FRAT2: variants seen among roughly 807,000 people sequenced by gnomAD.
FRAT2 encodes FRAT regulator of Wnt signaling pathway 2.
For synonymous variants in FRAT2, 205 were observed against 171.5 expected, an observed-to-expected ratio of 1.20 and a Z score of -1.53; for missense variants, 326 against 340.8, an observed-to-expected ratio of 0.96 and a Z score of 0.34.
rs778485689 is a variant in FRAT2, at chr10:97,333,881, G to A, written c.692C>T (p.Ser231Phe). Residue 231 changes from serine (S) to phenylalanine (F), a missense_variant, in exon 1 of 1, where the codon TCC becomes TTC. Ser to Phe is a radical substitution (Grantham distance 155). Coordinates refer to ENST00000371019, the MANE Select transcript of FRAT2 (RefSeq NM_012083.3). ...TCCAGGAGGCCTGCGTCAGAGCAAG[G>A]AGCCTGAGGGCTGCAGGGCAATGCG... ...PDRIALQPSG[S>F]LL 11 of 1,532,656 alleles carry A rather than the reference G, an allele frequency of 7.2e-6. No homozygotes were observed. The African/African-American group carries it at 1.4e-4, about 19-fold the overall frequency. The allele number at this position is 1,532,656 out of a possible 1,614,324, so 94.9% of individuals were successfully genotyped here.
In FRAT2 at chr10:97,333,518, CCTT is replaced by C. The variant is rs1843544519; in HGVS notation, c.*350_*352del. 3.7e-6 allele frequency: 1 copy of C among 273,844 alleles called. No individual in the cohort carries two copies. The highest frequency in any genetic ancestry group is 2.2e-5 in the African/African-American group (1 of 45,896). The allele number at this position is 273,844 out of a possible 1,614,324, so 17.0% of individuals were successfully genotyped here. On this transcript the variant is annotated 3_prime_UTR_variant, in exon 1 of 1. Transcript: ENST00000371019. ...ATCGCGATTCCTACCCCTGAGCCCTCCTTAAACAATCCAAGCTCACGACGCCCC... is the reference window on the plus strand; with the variant it reads ...ATCGCGATTCCTACCCCTGAGCCCTCAAACAATCCAAGCTCACGACGCCCC...
rs981585148 is a variant in FRAT2 at position 97,333,582 on chromosome 10, C to A, written c.*289G>T. On this transcript the variant is annotated 3_prime_UTR_variant, in exon 1 of 1. Transcript: ENST00000371019. Reference sequence around the variant, plus strand: ...GTGAGGTACAAGTCGATGCAAGTAGCTGCCATAGTTCTCCCAGTTTATCCC... The same window carrying A: ...GTGAGGTACAAGTCGATGCAAGTAGATGCCATAGTTCTCCCAGTTTATCCC... 5.2e-6 allele frequency: 2 copies of A among 384,048 alleles called. No individual in the cohort carries two copies. The highest frequency in any genetic ancestry group is 8.7e-5 in the Admixed American group (2 of 23,038). 23.8% of individuals were successfully genotyped at this position (384,048 alleles called of 1,614,324 possible).
Position 97,334,128 on chromosome 10 carries a change from G to A in FRAT2, c.445C>T (p.Leu149Phe), listed in dbSNP as rs12767255. 12 of 1,538,672 alleles carry A rather than the reference G, an allele frequency of 7.8e-6. No homozygotes were observed. In the East Asian group the frequency reaches 2.5e-4, roughly 32 times the overall value. ...ALPGPCRRGW[L>F]RDAVTSRRLQ... Reference sequence around the variant, plus strand: ...CGGCGGGAGGTGACCGCGTCCCTGAGCCATCCTCGCCGGCACGGCCCCGGC... The same window carrying A: ...CGGCGGGAGGTGACCGCGTCCCTGAACCATCCTCGCCGGCACGGCCCCGGC... Residue 149 changes from leucine to phenylalanine, a missense_variant, in exon 1 of 1, where the codon CTC (leucine) becomes TTC (phenylalanine). Transcript: ENST00000371019.
At position 97,334,491 on chromosome 10, in the gene FRAT2, G is replaced by A. The variant is rs1843558875; in HGVS notation, c.82C>T (p.Leu28=). Reference sequence around the variant, plus strand: ...CTGCCCAGCGTCACCGACTGCTGCAGCAGGAGGAAGCTGTCGTCCTCCTCT... The same window carrying A: ...CTGCCCAGCGTCACCGACTGCTGCAACAGGAGGAAGCTGTCGTCCTCCTCT... ...EEEEDDSFLL[L]QQSVTLGSSG... Residue 28 remains leucine (L), a synonymous_variant, in exon 1 of 1, where the codon CTG becomes TTG. Coordinates refer to ENST00000371019, the MANE Select transcript of FRAT2 (RefSeq NM_012083.3). 2.0e-6 allele frequency: 3 copies of A among 1,493,706 alleles called. No individual in the cohort carries two copies. Among genetic ancestry groups the A allele is most frequent in the South Asian group, 2.5e-5 (2 of 80,330 alleles). The allele number at this position is 1,493,706 out of a possible 1,614,324, so 92.5% of individuals were successfully genotyped here. A position where few individuals can be genotyped will look rare whatever the true frequency, so the allele number is the denominator to read the frequency against.
Position 97,334,328 on chromosome 10 carries a change from G to T in FRAT2, c.245C>A (p.Pro82Gln). 8.6e-7 allele frequency: 1 copy of T among 1,156,854 alleles called. No individual in the cohort carries two copies. Among genetic ancestry groups the T allele is most frequent in the Non-Finnish European group, 1.1e-6 (1 of 940,756 alleles). 71.7% of individuals were successfully genotyped at this position (1,156,854 alleles called of 1,614,324 possible). A position where few individuals can be genotyped will look rare whatever the true frequency, so the allele number is the denominator to read the frequency against. The change falls in exon 1 of 1, where the codon CCG (proline) becomes CAG (glutamine). Residue 82 changes from proline (P) to glutamine (Q), a missense_variant. Pro to Gln is a moderately conservative substitution (Grantham distance 76, BLOSUM62 -1). Coordinates refer to ENST00000371019, the MANE Select transcript of FRAT2 (RefSeq NM_012083.3). Reference sequence around the variant, plus strand: ...CGCCGGGGGCCGGGCCTTGTCCGCCGGCACCGCCGCAGCCAGGGGCCCCGG... The same window carrying T: ...CGCCGGGGGCCGGGCCTTGTCCGCCTGCACCGCCGCAGCCAGGGGCCCCGG... ...RAPGPLAAAV[P>Q]ADKARPPAVP...
At position 97,334,082 on chromosome 10, in the gene FRAT2, G is replaced by C. The variant is rs1300329603; in HGVS notation, c.491C>G (p.Thr164Ser). ...TSRRLQQRRW[T>S]QAGARAGDDD... ...GTCGCCGGCGCGTGCCCCGGCTTGG[G>C]TCCATCGGCGCTGCTGCAAGCGGCG... Residue 164 changes from threonine (T) to serine (S), a missense_variant, in exon 1 of 1, where the codon ACC (threonine) becomes AGC (serine). By Grantham distance (58) the Thr-to-Ser change is moderately conservative (BLOSUM62 1). Coordinates refer to ENST00000371019, the MANE Select transcript of FRAT2 (RefSeq NM_012083.3). 6.3e-7 allele frequency: 1 copy of C among 1,592,602 alleles called. No homozygotes were observed. The highest frequency in any genetic ancestry group is 8.5e-7 in the Non-Finnish European group (1 of 1,177,744).
rs977192548 is a variant in FRAT2, at chr10:97,334,564, G to A, written c.9C>T (p.Cys3=). The A allele has an allele frequency of 8.9e-6, 13 of 1,458,076 alleles. No individual in the cohort carries two copies. In the African/African-American group the frequency reaches 1.5e-4, roughly 16 times the overall value. The allele number at this position is 1,458,076 out of a possible 1,614,324, so 90.3% of individuals were successfully genotyped here. A position where few individuals can be genotyped will look rare whatever the true frequency, so the allele number is the denominator to read the frequency against. Residue 3 remains cysteine, a synonymous_variant, in exon 1 of 1, where the codon TGC becomes TGT. Transcript: ENST00000371019. ...CGGCTTCCTCTTCCTCCTCCCTCCG[G>A]CACGGCATGGCCCCCCGTCCTGGCA... MP[C]RREEEEEAGE...
Position 97,332,781 on chromosome 10 carries a change from G to A in FRAT2, c.*1090C>T, listed in dbSNP as rs897536932. On this transcript the variant is annotated 3_prime_UTR_variant, in exon 1 of 1. Coordinates refer to ENST00000371019, the MANE Select transcript of FRAT2 (RefSeq NM_012083.3). ...CACAAAAGAAGGGCTGGCACGGGAG[G>A]AGGAAATAAATTGTGAGGGTGAGGA... 3.9e-5 allele frequency: 6 copies of A among 152,204 alleles called. No individual in the cohort carries two copies. Among genetic ancestry groups the A allele is most frequent in the African/African-American group, 1.4e-4 (6 of 41,446 alleles). 9.4% of individuals were successfully genotyped at this position (152,204 alleles called of 1,614,324 possible). A position where few individuals can be genotyped will look rare whatever the true frequency, so the allele number is the denominator to read the frequency against.
chr10:97,334,529 G>GCCT lies in FRAT2; in HGVS notation c.41_43dup (p.Glu14dup). Reference sequence around the variant, plus strand: ...GTCGTCCTCCTCTTCCTCCCCCTCCGCCTCCTCGCCGGCTTCCTCTTCCTC... The same window carrying GCCT: ...GTCGTCCTCCTCTTCCTCCCCCTCCGCCTCCTCCTCGCCGGCTTCCTCTTCCTC... On this transcript the variant is annotated inframe_insertion, in exon 1 of 1. Coordinates refer to ENST00000371019, the MANE Select transcript of FRAT2 (RefSeq NM_012083.3). 6.7e-7 allele frequency: 1 copy of GCCT among 1,492,260 alleles called. No homozygotes were observed. The allele number at this position is 1,492,260 out of a possible 1,614,324, so 92.4% of individuals were successfully genotyped here.
In FRAT2 at chr10:97,334,473, G is replaced by C. The variant is rs751853572; in HGVS notation, c.100C>G (p.Leu34Val). 105 of 1,493,182 alleles carry C rather than the reference G, an allele frequency of 7.0e-5. No individual in the cohort carries two copies. The highest frequency in any genetic ancestry group is 9.2e-5 in the Non-Finnish European group (104 of 1,126,620). The allele number at this position is 1,493,182 out of a possible 1,614,324, so 92.5% of individuals were successfully genotyped here. Residue 34 changes from leucine to valine, a missense_variant, in exon 1 of 1, where the codon CTG (leucine) becomes GTG (valine). By Grantham distance (32) the Leu-to-Val change is conservative. Coordinates refer to ENST00000371019, the MANE Select transcript of FRAT2 (RefSeq NM_012083.3). ...CGGTCCACCTCGCCCGAGCTGCCCAGCGTCACCGACTGCTGCAGCAGGAGG... is the reference window on the plus strand; with the variant it reads ...CGGTCCACCTCGCCCGAGCTGCCCACCGTCACCGACTGCTGCAGCAGGAGG... ...SFLLLQQSVT[L>V]GSSGEVDRLV... is the part of the protein sequence containing the mutation.
Position 97,333,980 on chromosome 10 carries a change from C to T in FRAT2, c.593G>A (p.Arg198Gln). ...LIKEAVRRLQ[R>Q]AVAAVAATGP... The stretch of plus-strand genomic sequence containing the variant: ...CGTGGCTGCAACCGCGGCGACGGCT[C>T]GTTGGAGTCTCCGCACGGCTTCCTT... The change falls in exon 1 of 1, where the codon CGA (arginine) becomes CAA (glutamine). Residue 198 changes from arginine (R) to glutamine (Q), a missense_variant. Physicochemically the swap from Arg to Gln is conservative, Grantham distance 43. Transcript: ENST00000371019. 1 of 1,586,140 alleles carries T rather than the reference C, an allele frequency of 6.3e-7. No individual in the cohort carries two copies. Among genetic ancestry groups the T allele is most frequent in the Non-Finnish European group, 8.5e-7 (1 of 1,174,098 alleles).
Position 97,334,286 on chromosome 10 carries a change from GGCA to G in FRAT2, c.284_286del (p.Leu95del), listed in dbSNP as rs1265622373. On this transcript the variant is annotated inframe_deletion, in exon 1 of 1. Coordinates refer to ENST00000371019, the MANE Select transcript of FRAT2 (RefSeq NM_012083.3). ...GCCCACCGTCTCAGCCGAAGCGGGC[GGCA>G]GCAGCAGCGGCACCGCCGGGGGCCG... The G allele has an allele frequency of 1.7e-6, 2 of 1,159,416 alleles. No individual in the cohort carries two copies. Among genetic ancestry groups the G allele is most frequent in the South Asian group, 4.2e-5 (1 of 23,924 alleles). 71.8% of individuals were successfully genotyped at this position (1,159,416 alleles called of 1,614,324 possible).
In FRAT2 at chr10:97,334,025, A is replaced by T. The variant is rs1329987050; in HGVS notation, c.548T>A (p.Val183Glu). Reference protein sequence around the residue: ...DDPHRLLQQLVLSGNLIKEAV... With the variant: ...DDPHRLLQQLELSGNLIKEAV... Reference sequence around the variant, plus strand: ...TTCCTTGATGAGGTTTCCCGAGAGCACGAGCTGCTGGAGGAGCCGATGCGG... The same window carrying T: ...TTCCTTGATGAGGTTTCCCGAGAGCTCGAGCTGCTGGAGGAGCCGATGCGG... Residue 183 changes from valine to glutamate, a missense_variant, in exon 1 of 1, where the codon GTG becomes GAG. Transcript: ENST00000371019. 6.3e-7 allele frequency: 1 copy of T among 1,595,798 alleles called. No individual in the cohort carries two copies. Among genetic ancestry groups the T allele is most frequent in the East Asian group, 2.2e-5 (1 of 44,708 alleles).
chr10:97,334,420 C>T lies in FRAT2; in HGVS notation c.153G>A (p.Leu51=), dbSNP rs1843557840. 2 of 1,457,858 alleles carry T rather than the reference C, an allele frequency of 1.4e-6. No individual in the cohort carries two copies. The highest frequency in any genetic ancestry group is 2.9e-5 in the African/African-American group (2 of 68,248). The allele number at this position is 1,457,858 out of a possible 1,614,324, so 90.3% of individuals were successfully genotyped here. ...GGCTGTCCTGCGCCGCGTCCAGCTG[C>T]AGCGTCTCGCCGATCTGGGCCACCA... ...DRLVAQIGET[L]QLDAAQDSPA... Residue 51 remains leucine, a synonymous_variant, in exon 1 of 1, where the codon CTG becomes CTA. Transcript: ENST00000371019.
At position 97,334,047 on chromosome 10, in the gene FRAT2, G is replaced by A. The variant is rs1481903958; in HGVS notation, c.526C>T (p.His176Tyr). 1.3e-6 allele frequency: 2 copies of A among 1,595,874 alleles called. No homozygotes were observed. The highest frequency in any genetic ancestry group is 2.2e-5 in the East Asian group (1 of 44,758). The change falls in exon 1 of 1, where the codon CAT becomes TAT. Residue 176 changes from histidine to tyrosine, a missense_variant. By Grantham distance (83) the His-to-Tyr change is moderately conservative. Transcript: ENST00000371019. ...AGARAGDDDP[H>Y]RLLQQLVLSG... is the part of the protein sequence containing the mutation. ...AGCACGAGCTGCTGGAGGAGCCGATGCGGGTCGTCGTCGCCGGCGCGTGCC... is the reference window on the plus strand; with the variant it reads ...AGCACGAGCTGCTGGAGGAGCCGATACGGGTCGTCGTCGCCGGCGCGTGCC...
Position 97,332,884 on chromosome 10 carries a change from C to T in FRAT2, c.*987G>A, listed in dbSNP as rs770253365. The T allele has an allele frequency of 6.6e-6, 1 of 152,190 alleles. No homozygotes were observed. The highest frequency in any genetic ancestry group is 1.5e-5 in the Non-Finnish European group (1 of 68,050). 9.4% of individuals were successfully genotyped at this position (152,190 alleles called of 1,614,324 possible). The stretch of plus-strand genomic sequence containing the variant: ...AACGTCCAGGGTCTCTCATGCATTC[C>T]TATAGACACCAGAAAGGGTGGAATA... On this transcript the variant is annotated 3_prime_UTR_variant, in exon 1 of 1. Transcript: ENST00000371019.
Position 97,333,732 on chromosome 10 carries a change from G to C in FRAT2, c.*139C>G. The C allele has an allele frequency of 1.1e-6, 1 of 924,264 alleles. No homozygotes were observed. Among genetic ancestry groups the C allele is most frequent in the Non-Finnish European group, 1.5e-6 (1 of 669,158 alleles). 57.3% of individuals were successfully genotyped at this position (924,264 alleles called of 1,614,324 possible). On this transcript the variant is annotated 3_prime_UTR_variant, in exon 1 of 1. Transcript: ENST00000371019. ...CGCGGCTGGTAACTTCTCTGGTTGA[G>C]ATCTCTCCCCACGCGCCTCCCCGCA...
Position 97,333,836 on chromosome 10 carries a change from C to T in FRAT2, c.*35G>A. On this transcript the variant is annotated 3_prime_UTR_variant, in exon 1 of 1. Coordinates refer to ENST00000371019, the MANE Select transcript of FRAT2 (RefSeq NM_012083.3). Reference sequence around the variant, plus strand: ...GGAACTGGACGCTGTTGGGTCTACGCAGCGGCCTCCACTTCCTCCTCCAGG... The same window carrying T: ...GGAACTGGACGCTGTTGGGTCTACGTAGCGGCCTCCACTTCCTCCTCCAGG... 2 of 1,453,762 alleles carry T rather than the reference C, an allele frequency of 1.4e-6. No homozygotes were observed. Among genetic ancestry groups the T allele is most frequent in the South Asian group, 2.8e-5 (2 of 72,632 alleles). The allele number at this position is 1,453,762 out of a possible 1,614,324, so 90.1% of individuals were successfully genotyped here.
In FRAT2 at chr10:97,333,842, C is replaced by T; in HGVS notation, c.*29G>A. 2 of 1,461,274 alleles carry T rather than the reference C, an allele frequency of 1.4e-6. No individual in the cohort carries two copies. The highest frequency in any genetic ancestry group is 1.4e-5 in the South Asian group (1 of 73,788). 90.5% of individuals were successfully genotyped at this position (1,461,274 alleles called of 1,614,324 possible). ...GGACGCTGTTGGGTCTACGCAGCGG[C>T]CTCCACTTCCTCCTCCAGGAGGCCT... is the stretch of plus-strand genomic sequence containing the variant. On this transcript the variant is annotated 3_prime_UTR_variant, in exon 1 of 1. Coordinates refer to ENST00000371019, the MANE Select transcript of FRAT2 (RefSeq NM_012083.3).
Sources: allele counts gnomAD v4.1 joint callset, GRCh38; gene constraint gnomAD v4.1.1; transcripts MANE v1.5; gene names NCBI Gene and HGNC (gene_info 2026-07-23, HGNC 2026-07-21).